Variants in ROBO3 observed in about 807,000 individuals in gnomAD.
ROBO3 encodes roundabout homolog 3.
In ROBO3, 97 loss-of-function variants were observed where a neutral mutation model predicts 160.5. The observed-to-expected ratio is 0.60, with a 90% confidence interval of 0.51 to 0.72. The LOEUF is 0.72. Among genes scored for constraint, ROBO3 ranks in the 30% least tolerant of loss-of-function variants. The pLI, the probability that ROBO3 is intolerant of heterozygous loss-of-function variation, is 0.00. For synonymous variants in ROBO3, 780 were observed against 746.2 expected (o/e 1.05, Z -0.74); for missense variants, 1,858 against 1,846.5 (o/e 1.01, Z -0.11).
Position 124,875,217 on chromosome 11 carries a change from A to G in ROBO3, c.2180A>G (p.Gln727Arg). 1 of 1,613,834 alleles carries G rather than the reference A, an allele frequency of 6.2e-7. No homozygotes were observed. The highest frequency in any genetic ancestry group is 1.1e-5 in the South Asian group (1 of 91,074). Residue 727 changes from glutamine to arginine, a missense_variant, in exon 14 of 28, where the codon CAA (glutamine) becomes CGA (arginine). Gln to Arg is a conservative substitution (Grantham distance 43). Transcript: ENST00000397801. The stretch of plus-strand genomic sequence containing the variant: ...TTGGACCTACAGTCCCCAAGCCAGC[A>G]AAGTACTGTGCTAAGAGGACTCCCT... ...TMLDLQSPSQ[Q>R]STVLRGLPPG... is the part of the protein sequence containing the mutation.
intron 26 of ROBO3, 35 bp from the exon 27 acceptor site, chr11:124,880,383 C>T (rs2135350161): frequency 6.2e-7 from 1 of 1,609,886 alleles, no homozygotes; most frequent in Non-Finnish European, 8.5e-7. Context: ...CTGCTTCCTG[C>T]CTGCACCTGG....
Position 124,870,315 on chromosome 11 carries a change from C to T in ROBO3, c.905+12C>T, listed in dbSNP as rs3923889. The T allele has an allele frequency of 2.5e-4, 397 of 1,611,160 alleles. 4 individuals are homozygous for T. The Admixed American group carries it at 6.6e-3, about 27-fold the overall frequency. On this transcript the variant is annotated intron_variant, in intron 5 of 27. Coordinates refer to ENST00000397801, the MANE Select transcript of ROBO3 (RefSeq NM_022370.4). Reference sequence around the variant, plus strand: ...CTGCCCACAGGCAGGTGAGAGACCCCCTTCTGCCTGTAGGAAGACCCAACC... The same window carrying T: ...CTGCCCACAGGCAGGTGAGAGACCCTCTTCTGCCTGTAGGAAGACCCAACC...
Position 124,869,921 on chromosome 11 carries a change from A to G in ROBO3, c.646-27A>G. ...ATATACGCTGTGATAGCTGAAATGG[A>G]CCAAAGTTACCATTATTGCTCTGCA... On this transcript the variant is annotated intron_variant, in intron 3 of 27. Transcript: ENST00000397801. The surrounding 1 kb of genome is among the most constrained non-coding windows in gnomAD (Gnocchi z 4.2). 6.4e-7 allele frequency: 1 copy of G among 1,571,892 alleles called. No homozygotes were observed. Among genetic ancestry groups the G allele is most frequent in the Non-Finnish European group, 8.6e-7 (1 of 1,158,592 alleles).
rs780518927 is a variant in ROBO3, at chr11:124,879,459, C to T, written c.3686-6C>T. ...CCATTCCTCTTCCCGTCTCCTAACA[C>T]TGCAGGCAGAACCTGGCAGGGGAAT... On this transcript the variant is annotated splice_polypyrimidine_tract_variant and splice_region_variant and intron_variant, in intron 24 of 27. Transcript: ENST00000397801. 1.9e-6 allele frequency: 3 copies of T among 1,613,378 alleles called. No individual in the cohort carries two copies. The East Asian group carries it at 6.7e-5, about 36-fold the overall frequency.
Position 124,879,798 on chromosome 11 carries a change from C to A in ROBO3, c.3808C>A (p.Pro1270Thr). 6.2e-7 allele frequency: 1 copy of A among 1,613,820 alleles called. No individual in the cohort carries two copies. Among genetic ancestry groups the A allele is most frequent in the East Asian group, 2.2e-5 (1 of 44,878 alleles). ...AGCTCCCTCCCCAGACTTGCCCCCA[C>A]CACCCTTGCCACCGCCAGAGGAAGA... ...RENSPGDLPP[P>T]PLPPPEEEAS... Residue 1270 changes from proline (P) to threonine (T), a missense_variant, in exon 26 of 28, where the codon CCA becomes ACA. Coordinates refer to ENST00000397801, the MANE Select transcript of ROBO3 (RefSeq NM_022370.4).
chr11:124,880,697 G>A, intron 27 of ROBO3, 89 bp downstream of exon 27: 3 of 1,442,798 alleles, frequency 2.1e-6, no homozygotes, highest in Non-Finnish European at 2.7e-6. Flanking sequence ...GTGGGCAAGG[G>A]CTTGTGGAGG....
intron 1 of ROBO3, chr11:124,868,518 CGGAG>C (rs1591507823): frequency 5.0e-6 from 3 of 600,806 alleles, no homozygotes; most frequent in Non-Finnish European, 8.9e-6. Context: ...GGAGAGGAGA[CGGAG>C]GTCTCTAGGT....
In ROBO3 at chr11:124,869,144, C is replaced by G; in HGVS notation, c.487+16C>G. 1 of 1,526,380 alleles carries G rather than the reference C, an allele frequency of 6.6e-7. No homozygotes were observed. Among genetic ancestry groups the G allele is most frequent in the Non-Finnish European group, 8.8e-7 (1 of 1,135,878 alleles). 94.6% of individuals were successfully genotyped at this position (1,526,380 alleles called of 1,614,324 possible). On this transcript the variant is annotated intron_variant, in intron 2 of 27. Transcript: ENST00000397801. The surrounding 1 kb of genome is among the most constrained non-coding windows in gnomAD (Gnocchi z 4.2). ...GAAGTGGCAGGTGAGAGTCAGTTGA[C>G]CGTCAGCTGGTTGCTTCCAGAGCCT...
Position 124,881,409 on chromosome 11 carries a change from C to G in ROBO3, c.*159C>G, listed in dbSNP as rs1326073792. On this transcript the variant is annotated 3_prime_UTR_variant, in exon 28 of 28. Coordinates refer to ENST00000397801, the MANE Select transcript of ROBO3 (RefSeq NM_022370.4). Reference sequence around the variant, plus strand: ...AGAGAGCTAGCTCCTCCCTTTCTTTCTTTTTCCACCTGAGACTTGTTTATA... The same window carrying G: ...AGAGAGCTAGCTCCTCCCTTTCTTTGTTTTTCCACCTGAGACTTGTTTATA... The G allele has an allele frequency of 1.5e-6, 1 of 673,002 alleles. No individual in the cohort carries two copies. 41.7% of individuals were successfully genotyped at this position (673,002 alleles called of 1,614,324 possible).
chr11:124,869,876 C>T lies in ROBO3; in HGVS notation c.646-72C>T. On this transcript the variant is annotated intron_variant, in intron 3 of 27. Transcript: ENST00000397801. This position sits in a 1 kb window ranked among gnomAD's most constrained non-coding sequence, Gnocchi z 4.2. ...AATAAACTTTATACATATGTATATACACATATATTCACCATATATATATAC... is the reference window on the plus strand; with the variant it reads ...AATAAACTTTATACATATGTATATATACATATATTCACCATATATATATAC... The T allele has an allele frequency of 6.8e-7, 1 of 1,481,018 alleles. No individual in the cohort carries two copies. Among genetic ancestry groups the T allele is most frequent in the Non-Finnish European group, 9.2e-7 (1 of 1,083,032 alleles). 91.7% of individuals were successfully genotyped at this position (1,481,018 alleles called of 1,614,324 possible).
Position 124,870,680 on chromosome 11 carries a change from G to C in ROBO3, c.985G>C (p.Glu329Gln). The change falls in exon 6 of 28, where the codon GAG becomes CAG. Residue 329 changes from glutamate (E) to glutamine (Q), a missense_variant. Glu to Gln is a conservative substitution (Grantham distance 29). Coordinates refer to ENST00000397801, the MANE Select transcript of ROBO3 (RefSeq NM_022370.4). Reference protein sequence around the residue: ...EDEGTYTCVAENSVGRAEASG... With the variant: ...EDEGTYTCVAQNSVGRAEASG... ...TGAGGGAACGTACACCTGTGTGGCG[G>C]AGAACAGTGTGGGCCGCGCTGAAGC... The C allele has an allele frequency of 1.2e-6, 2 of 1,613,050 alleles. No homozygotes were observed. Among genetic ancestry groups the C allele is most frequent in the South Asian group, 2.2e-5 (2 of 90,698 alleles).
rs1946315428 is a variant in ROBO3 at position 124,874,095 on chromosome 11, A to T, written c.1810A>T (p.Thr604Ser). ...FSPAAGNTWR[T>S]VADGVQLETH... The stretch of plus-strand genomic sequence containing the variant: ...CCCAGCAGCTGGCAACACATGGCGT[A>T]CTGTGGCAGATGGCGTGCAGCTGGA... Residue 604 changes from threonine to serine, a missense_variant, in exon 12 of 28, where the codon ACT (threonine) becomes TCT (serine). By Grantham distance (58) the Thr-to-Ser change is moderately conservative (BLOSUM62 1). Coordinates refer to ENST00000397801, the MANE Select transcript of ROBO3 (RefSeq NM_022370.4). The T allele has an allele frequency of 1.2e-6, 2 of 1,613,948 alleles. No homozygotes were observed. Among genetic ancestry groups the T allele is most frequent in the East Asian group, 2.2e-5 (1 of 44,870 alleles).
intron 20 of ROBO3, 66 bp downstream of exon 20, chr11:124,877,724 A>G (rs768354154): frequency 3.2e-6 from 5 of 1,577,384 alleles, no homozygotes; most frequent in Non-Finnish European, 3.4e-6. Context: ...GGCAAACCGA[A>G]GGGCGCCCGG....
In ROBO3 at chr11:124,870,171, C is replaced by T; in HGVS notation, c.773C>T (p.Pro258Leu). Residue 258 changes from proline (P) to leucine (L), a missense_variant, in exon 5 of 28, where the codon CCC becomes CTC. By Grantham distance (98) the Pro-to-Leu change is moderately conservative. Transcript: ENST00000397801. ...AAAEVMVLER[P>L]SFLRRPVNQV... ...ACTCACTACCACTCCATAGAGCGTC[C>T]CTCATTCCTGCGCAGACCAGTGAAT... 1 of 1,614,002 alleles carries T rather than the reference C, an allele frequency of 6.2e-7. No individual in the cohort carries two copies. The highest frequency in any genetic ancestry group is 8.5e-7 in the Non-Finnish European group (1 of 1,179,880).
In ROBO3 at chr11:124,876,008, TG is replaced by T; in HGVS notation, c.2479del (p.Ala827HisfsTer177). The T allele has an allele frequency of 3.7e-6, 6 of 1,601,766 alleles. No individual in the cohort carries two copies. The highest frequency in any genetic ancestry group is 5.1e-6 in the Non-Finnish European group (6 of 1,174,594). On this transcript the variant is annotated frameshift_variant, in exon 16 of 28. Transcript: ENST00000397801. LOFTEE classifies it high-confidence loss of function. The surrounding 1 kb of genome is among the most constrained non-coding windows in gnomAD (Gnocchi z 5.3). ...TCACCTCAATCGATCTGCAGCAGGC[TG>T]GGCACGCTCCGCAATGCTCCGAGGA... ...RFHLNRSAAG[W>X]ARSAMLRGLV...
rs1430597680 is a variant in ROBO3 at position 124,881,349 on chromosome 11, C to T, written c.*99C>T. ...GTGATGAGTGGGGCTAGCTGAAGCC[C>T]ATTGGTTTCCACGATTTCAATTGGC... On this transcript the variant is annotated 3_prime_UTR_variant, in exon 28 of 28. Coordinates refer to ENST00000397801, the MANE Select transcript of ROBO3 (RefSeq NM_022370.4). 1 of 1,209,136 alleles carries T rather than the reference C, an allele frequency of 8.3e-7. No individual in the cohort carries two copies. Among genetic ancestry groups the T allele is most frequent in the African/African-American group, 1.5e-5 (1 of 66,266 alleles). 74.9% of individuals were successfully genotyped at this position (1,209,136 alleles called of 1,614,324 possible). A position where few individuals can be genotyped will look rare whatever the true frequency, so the allele number is the denominator to read the frequency against.
Position 124,876,530 on chromosome 11 carries a change from T to C in ROBO3, c.2779+70T>C. The C allele has an allele frequency of 7.9e-7, 1 of 1,271,838 alleles. No individual in the cohort carries two copies. The highest frequency in any genetic ancestry group is 1.0e-6 in the Non-Finnish European group (1 of 990,024). The allele number at this position is 1,271,838 out of a possible 1,614,324, so 78.8% of individuals were successfully genotyped here. A position where few individuals can be genotyped will look rare whatever the true frequency, so the allele number is the denominator to read the frequency against. ...GCGGCCCATGGGGAGGGGCAGGGGC[T>C]TAGCCGCTGGCGAGTGAGGACCGGG... On this transcript the variant is annotated intron_variant, in intron 17 of 27. Coordinates refer to ENST00000397801, the MANE Select transcript of ROBO3 (RefSeq NM_022370.4). This position sits in a 1 kb window ranked among gnomAD's most constrained non-coding sequence, Gnocchi z 5.3.
At position 124,878,662 on chromosome 11, in the gene ROBO3, G is replaced by A; in HGVS notation, c.3399G>A (p.Leu1133=). ...AGCCCAGCTCCAGTGGAGGGTGCCT[G>A]GTCACCCCATCCCGAAGGGAAACCC... ...LTEPSSSGGC[L]VTPSRRETPS... Residue 1133 remains leucine (L), a synonymous_variant, in exon 23 of 28, where the codon CTG becomes CTA. Coordinates refer to ENST00000397801, the MANE Select transcript of ROBO3 (RefSeq NM_022370.4). This position sits in a 1 kb window ranked among gnomAD's most constrained non-coding sequence, Gnocchi z 4.3. The A allele has an allele frequency of 6.2e-7, 1 of 1,613,290 alleles. No homozygotes were observed. Among genetic ancestry groups the A allele is most frequent in the Non-Finnish European group, 8.5e-7 (1 of 1,179,574 alleles).
Position 124,874,055 on chromosome 11 carries a change from T to C in ROBO3, c.1785-15T>C. The C allele has an allele frequency of 2.5e-6, 4 of 1,613,748 alleles. No homozygotes were observed. Among genetic ancestry groups the C allele is most frequent in the Non-Finnish European group, 3.4e-6 (4 of 1,179,818 alleles). On this transcript the variant is annotated splice_polypyrimidine_tract_variant and intron_variant, in intron 11 of 27. Coordinates refer to ENST00000397801, the MANE Select transcript of ROBO3 (RefSeq NM_022370.4). ...TCCTGGCTTAGACAACCCTGTCATC[T>C]CCTTCTTGTTGTAGCCCAGCAGCTG...
Sources: gnomAD v4.1 joint callset for allele counts on GRCh38, gnomAD v4.1.1 for gene constraint, Gnocchi (gnomAD v3.1) non-coding constraint, MANE v1.5 for transcripts, NCBI Gene and HGNC (gene_info 2026-07-23, HGNC 2026-07-21) for gene names.